ICA1: variants seen among roughly 807,000 people sequenced by gnomAD.
ICA1 encodes islet cell autoantigen 1, also known as 69 kDa islet cell autoantigen.
ICA1 carries 40 observed loss-of-function variants against 71.0 expected under a neutral mutation model. The observed-to-expected ratio is 0.56, with a 90% CI of 0.44 to 0.73. ICA1 has a LOEUF of 0.73. Ranked by LOEUF, ICA1 falls within the 30% of genes least tolerant of loss-of-function variation. The pLI, the probability that ICA1 is intolerant of heterozygous loss-of-function variation, is 0.00. For synonymous variants in ICA1, 207 were observed against 209.5 expected (o/e 0.99, Z 0.10); for missense variants, 578 against 576.5 (o/e 1.00, Z -0.03).
At position 8,228,501 on chromosome 7, in the gene ICA1, A is replaced by C. The variant is rs143489314; in HGVS notation, c.256+100T>G. The C allele has an allele frequency of 4.4e-4, 282 of 641,442 alleles. 1 individual carries two copies. The highest frequency in any genetic ancestry group is 4.3e-3 in the African/African-American group (231 of 53,666). 39.7% of individuals were successfully genotyped at this position (641,442 alleles called of 1,614,324 possible). ...CTCCCAACGCCTGAAGACACAGACAAACACTCTTAGTTTCCTAAGCATATG... is the reference window on the plus strand; with the variant it reads ...CTCCCAACGCCTGAAGACACAGACACACACTCTTAGTTTCCTAAGCATATG... On this transcript the variant is annotated intron_variant, in intron 4 of 13. Coordinates refer to ENST00000402384, the MANE Select transcript of ICA1 (RefSeq NM_001136020.3).
intron 6 of ICA1, among the ~76,000 whole-genome samples, chr7:8,212,769 A>G (rs984148738): frequency 1.3e-5 from 2 of 152,150 alleles, no homozygotes; most frequent in Non-Finnish European, 2.9e-5. Flanking sequence ...TCCAGTCAGG[A>G]GCAGCAGCCA....
intron 1 of ICA1, among the ~76,000 whole-genome samples, chr7:8,261,582 C>G (rs796659758): frequency 3.9e-5 from 6 of 152,282 alleles, no homozygotes; most frequent in African/African-American, 1.4e-4. Context: ...CCCATATGCT[C>G]TCTGCCGCCC....
rs73674831 is a variant in ICA1, at chr7:8,140,277, C to A, written c.956-1230G>T. Among the ~76,000 whole-genome samples the A allele has an allele frequency of 8.5e-3, 1,298 of 152,254 alleles. 30 individuals carry two copies. The highest frequency in any genetic ancestry group is 0.03 in the African/African-American group (1,231 of 41,538). On this transcript the variant is annotated intron_variant, in intron 10 of 13. Transcript: ENST00000402384. ...AGACAGAGAGCTCTTCTGTGGCCAA[C>A]AAGAGCAGGCCCAGCTGCTCCCTTT...
intron 8 of ICA1, among the ~76,000 whole-genome samples, chr7:8,146,032 C>T (rs79898237): frequency 0.016 from 2,392 of 152,228 alleles, 24 homozygotes; most frequent in Admixed American, 0.024. Context: ...AAGGCACTGA[C>T]ATCATTTTTA....
At chr7:8,128,825 G>A (rs1046944807) in intron 12 of ICA1, among the ~76,000 whole-genome samples, 2 of 152,098 alleles carry the variant, frequency 1.3e-5, no homozygotes, top group African/African-American at 4.8e-5. Context: ...ACAGTTCGAG[G>A]GGCGTTGAAG....
intron 3 of ICA1, among the ~76,000 whole-genome samples, 170 bp downstream of exon 3, chr7:8,232,420 T>C (rs1392184586): frequency 6.6e-6 from 1 of 152,198 alleles, no homozygotes; most frequent in Non-Finnish European, 1.5e-5. Context: ...ATGGTGGTTA[T>C]GTGAGAATTT....
rs184362971 is a variant in ICA1, at chr7:8,119,978, G to A, written c.1331-5934C>T. On this transcript the variant is annotated intron_variant, in intron 13 of 13. Transcript: ENST00000402384. ...CTACTTGAATTCCTTTGTAAGTATG[G>A]ATTTTTAAATATTGTTCACCTAAAA... Among the ~76,000 whole-genome samples, 429 of 152,272 alleles carry A rather than the reference G, an allele frequency of 2.8e-3. 1 individual carries two copies. The highest frequency in any genetic ancestry group is 6.4e-3 in the South Asian group (31 of 4,824).
chr7:8,214,409 C>T (rs1024155055), intron 6 of ICA1, among the ~76,000 whole-genome samples: 6 of 152,206 alleles, frequency 3.9e-5, no homozygotes, highest in Non-Finnish European at 7.3e-5. Flanking sequence ...TAAAATACCT[C>T]GTGGTCTTGG....
intron 3 of ICA1, among the ~76,000 whole-genome samples, chr7:8,232,219 G>A (rs1012857724): frequency 2.0e-5 from 3 of 152,108 alleles, no homozygotes; most frequent in East Asian, 1.9e-4. Context: ...TTTCCACGAC[G>A]TTTTACCTGA....
At chr7:8,217,712 A>G (rs1011709400) in intron 6 of ICA1, among the ~76,000 whole-genome samples, 3 of 152,186 alleles carry the variant, frequency 2.0e-5, no homozygotes, top group Admixed American at 2.0e-4. Context: ...TGCTAAATTG[A>G]CACAATTAAA....
At chr7:8,252,201 C>G (rs1013578033) in intron 1 of ICA1, among the ~76,000 whole-genome samples, 2 of 152,132 alleles carry the variant, frequency 1.3e-5, no homozygotes, top group Non-Finnish European at 2.9e-5. Flanking sequence ...ACAGATTTTA[C>G]TCTGTATTTA....
chr7:8,203,801 A>C lies in ICA1; in HGVS notation c.579+14504T>G, dbSNP rs548928576. On this transcript the variant is annotated intron_variant, in intron 6 of 13. Coordinates refer to ENST00000402384, the MANE Select transcript of ICA1 (RefSeq NM_001136020.3). ...AAACCTTTCAACAGTGACAGGCTTTAAACCTGTGGGGCAATTTGCAGAGGA... is the reference window on the plus strand; with the variant it reads ...AAACCTTTCAACAGTGACAGGCTTTCAACCTGTGGGGCAATTTGCAGAGGA... 4.1e-4 allele frequency among the ~76,000 whole-genome samples: 63 copies of C among 152,292 alleles called. 1 individual carries two copies. Among genetic ancestry groups the C allele is most frequent in the Admixed American group, 2.0e-3 (30 of 15,302 alleles).
chr7:8,250,138 T>C (rs995154788), intron 1 of ICA1, among the ~76,000 whole-genome samples: 1 of 152,208 alleles, frequency 6.6e-6, no homozygotes, highest in South Asian at 2.1e-4. Flanking sequence ...TAATTGGATG[T>C]CTGTGCATTT....
rs147584651 is a variant in ICA1, at chr7:8,117,085, A to C, written c.1331-3041T>G. Among the ~76,000 whole-genome samples the C allele has an allele frequency of 3.2e-3, 483 of 152,092 alleles. 4 individuals carry two copies. Among genetic ancestry groups the C allele is most frequent in the African/African-American group, 0.011 (464 of 41,464 alleles). ...CGCGAGATCTGATGGTTTTATAAGG[A>C]GCTCTTCCCCATTTGCTCCACACTT... On this transcript the variant is annotated intron_variant, in intron 13 of 13. Coordinates refer to ENST00000402384, the MANE Select transcript of ICA1 (RefSeq NM_001136020.3).
chr7:8,191,734 A>G (rs1273520644), intron 6 of ICA1, among the ~76,000 whole-genome samples: 1 of 151,900 alleles, frequency 6.6e-6, no homozygotes, highest in African/African-American at 2.4e-5. Flanking sequence ...ATAATATTGT[A>G]TAATATTATA....
At chr7:8,229,208 T>C (rs1351225252) in intron 3 of ICA1, among the ~76,000 whole-genome samples, 2 of 152,228 alleles carry the variant, frequency 1.3e-5, no homozygotes, top group Non-Finnish European at 2.9e-5. Flanking sequence ...AGAAAACATC[T>C]GATAAAATGA....
At chr7:8,227,991 C>G (rs1335996338) in intron 4 of ICA1, 1 of 300,044 alleles carries the variant, frequency 3.3e-6, no homozygotes, top group Non-Finnish European at 6.9e-6. Flanking sequence ...AACAGAAAGA[C>G]TTCCCATAGT....
intron 1 of ICA1, among the ~76,000 whole-genome samples, chr7:8,255,716 C>G (rs1392191873): frequency 6.6e-6 from 1 of 151,684 alleles, no homozygotes; most frequent in Non-Finnish European, 1.5e-5. Flanking sequence ...TTCTGTGGTC[C>G]CTATGTTAAT....
At chr7:8,197,181 C>T (rs1291014247) in intron 6 of ICA1, among the ~76,000 whole-genome samples, 1 of 150,344 alleles carries the variant, frequency 6.7e-6, no homozygotes, top group African/African-American at 2.4e-5. Context: ...AAAAAAAAGA[C>T]AGATGGTAAA....
Sources: allele counts gnomAD v4.1 joint callset (sites outside exome capture counted in the v4.1 genomes callset), GRCh38; gene constraint gnomAD v4.1.1; transcripts MANE v1.5; gene names NCBI Gene and HGNC (gene_info 2026-07-23, HGNC 2026-07-21).